The following AHSA1 variants were observed in gnomAD, a reference collection of about 807,000 sequenced individuals.
AHSA1 encodes activator of 90 kDa heat shock protein ATPase homolog 1.
AHSA1 carries 14 observed loss-of-function variants against 46.1 expected under a neutral mutation model. That is an observed-to-expected ratio of 0.30 (90% CI 0.20 to 0.47). The LOEUF is 0.47. AHSA1 is among the 20% of genes least tolerant of loss of function. AHSA1 has a pLI of 0.99. For synonymous variants in AHSA1, 147 were observed against 145.8 expected, an observed-to-expected ratio of 1.01 and a Z score of -0.06; for missense variants, 333 against 415.9, an observed-to-expected ratio of 0.80 and a Z score of 1.73.
chr14:77,469,008 A>T (rs766655989), intron 8 of AHSA1, 69 bp from the exon 9 acceptor site: 1 of 1,572,872 alleles, frequency 6.4e-7, no homozygotes, highest in East Asian at 2.3e-5. Context: ...ACGCCCAGCC[A>T]GGTTGCCCCA....
intron 6 of AHSA1, among the ~76,000 whole-genome samples, 157 bp from the exon 7 acceptor site, chr14:77,467,926 A>G (rs1238397705): frequency 1.3e-5 from 2 of 152,224 alleles, no homozygotes; most frequent in African/African-American, 4.8e-5. Context: ...GCTGGTATTA[A>G]AACAGAATAG....
intron 6 of AHSA1, among the ~76,000 whole-genome samples, chr14:77,465,984 G>A (rs768662911): frequency 2.8e-4 from 42 of 152,182 alleles, no homozygotes; most frequent in African/African-American, 6.5e-4. Context: ...ACGCCATCAC[G>A]CCTAGCTAAT....
chr14:77,463,097 T>C (rs944847819), intron 4 of AHSA1: 3 of 227,436 alleles, frequency 1.3e-5, no homozygotes, highest in East Asian at 1.9e-4. Flanking sequence ...CTGGGCAACA[T>C]GGCGAAACCC....
intron 8 of AHSA1, chr14:77,468,742 TTTTACTTTTTTAC>T (rs2139945377): frequency 1.1e-5 from 5 of 452,270 alleles, no homozygotes; most frequent in South Asian, 9.8e-5. Context: ...TTTTTTTTTT[TTTTACTTTTTTAC>T]TTTTTTTGTA....
Position 77,469,353 on chromosome 14 carries a change from G to T in AHSA1, c.*104G>T, listed in dbSNP as rs2079063864. 6.8e-7 allele frequency: 1 copy of T among 1,470,948 alleles called. No homozygotes were observed. Among genetic ancestry groups the T allele is most frequent in the South Asian group, 1.3e-5 (1 of 74,776 alleles). The allele number at this position is 1,470,948 out of a possible 1,614,324, so 91.1% of individuals were successfully genotyped here. ...TGCATCGTCCCAGCTGCTAACTTGG[G>T]GCCGGGGCCCCTCCCTTCCACATAT... On this transcript the variant is annotated 3_prime_UTR_variant, in exon 9 of 9. Coordinates refer to ENST00000216479, the MANE Select transcript of AHSA1 (RefSeq NM_012111.3).
At chr14:77,459,558 A>G (rs1031682778) in intron 1 of AHSA1, 58 bp from the exon 2 acceptor site, 38 of 1,572,782 alleles carry the variant, frequency 2.4e-5, no homozygotes, top group Admixed American at 3.4e-5. Context: ...ATTCTCTTGC[A>G]TAGAGCAGCG....
intron 5 of AHSA1, 151 bp from the exon 6 acceptor site, chr14:77,465,388 A>G (rs1460211756): frequency 1.2e-6 from 1 of 838,140 alleles, no homozygotes; most frequent in Non-Finnish European, 1.8e-6. Flanking sequence ...TGAAACACCT[A>G]CACACTCAAA....
At position 77,464,573 on chromosome 14, in the gene AHSA1, A is replaced by C. The variant is rs765561636; in HGVS notation, c.473-25A>C. 32 of 1,597,878 alleles carry C rather than the reference A, an allele frequency of 2.0e-5. No individual in the cohort carries two copies. In the Admixed American group the frequency reaches 5.2e-4, roughly 26 times the overall value. ...TCTCAGCTACTAAGAAGTAACTTCC[A>C]TGAGCTGGAATTTTATCTTTTCAGA... On this transcript the variant is annotated intron_variant, in intron 4 of 8. Transcript: ENST00000216479.
Position 77,458,288 on chromosome 14 carries a change from G to C in AHSA1, c.80+19G>C. ...GGCACTGGTGAGGGCCAGAAAAGCA[G>C]GCCGGCCTTGGGAGACCTGCGGCCG... is the stretch of plus-strand genomic sequence containing the variant. On this transcript the variant is annotated intron_variant, in intron 1 of 8. Transcript: ENST00000216479. 1.3e-6 allele frequency: 2 copies of C among 1,542,776 alleles called. No individual in the cohort carries two copies. The highest frequency in any genetic ancestry group is 1.7e-6 in the Non-Finnish European group (2 of 1,144,004).
chr14:77,466,915 A>T (rs370413023), intron 6 of AHSA1, among the ~76,000 whole-genome samples: 1 of 152,222 alleles, frequency 6.6e-6, no homozygotes, highest in East Asian at 1.9e-4. Context: ...TCTGCTTCCA[A>T]ACTAGCTAAA....
At chr14:77,468,896 T>TC in intron 8 of AHSA1, 181 bp from the exon 9 acceptor site, 1 of 677,002 alleles carries the variant, frequency 1.5e-6, no homozygotes, top group South Asian at 1.8e-5. Context: ...TTAGTAGAGA[T>TC]GGAGTTTCAC....
intron 2 of AHSA1, 26 bp from the exon 3 acceptor site, chr14:77,462,134 T>A: frequency 6.4e-7 from 1 of 1,563,544 alleles, no homozygotes; most frequent in Non-Finnish European, 8.8e-7. Flanking sequence ...AGGAGTGGAC[T>A]AATGACATTG....
Position 77,462,653 on chromosome 14 carries a change from C to T in AHSA1, c.366C>T (p.Ser122=). 1 of 1,614,112 alleles carries T rather than the reference C, an allele frequency of 6.2e-7. No individual in the cohort carries two copies. Among genetic ancestry groups the T allele is most frequent in the Non-Finnish European group, 8.5e-7 (1 of 1,179,980 alleles). ...CATCTTTCACCCAGATTAGTGTGAG[C>T]CTTGCCAAAGATGAGCCTGACACAA... ...NSVDEVEISV[S]LAKDEPDTNL... The change falls in exon 4 of 9, where the codon AGC becomes AGT. Residue 122 remains serine (S), a synonymous_variant. Transcript: ENST00000216479.
chr14:77,458,117 G>A lies in AHSA1; in HGVS notation c.-73G>A. On this transcript the variant is annotated 5_prime_UTR_variant, in exon 1 of 9. Transcript: ENST00000216479. ...TAGTAGTTTCCAGGCGCTGCCGGGC[G>A]GCTGGCACTAAGCGGTCCTGAGGCT... is the stretch of plus-strand genomic sequence containing the variant. 7.4e-6 allele frequency: 10 copies of A among 1,345,166 alleles called. No homozygotes were observed. In the Admixed American group the frequency reaches 1.1e-4, roughly 14 times the overall value. 83.3% of individuals were successfully genotyped at this position (1,345,166 alleles called of 1,614,324 possible).
At position 77,464,738 on chromosome 14, in the gene AHSA1, C is replaced by T. The variant is rs531935414; in HGVS notation, c.561+52C>T. On this transcript the variant is annotated intron_variant, in intron 5 of 8. Coordinates refer to ENST00000216479, the MANE Select transcript of AHSA1 (RefSeq NM_012111.3). ...CTGTCTGCAAAGGAACTTGAGAGAC[C>T]GCCTTCTTAATTCCACATATCAGCT... 3.3e-4 allele frequency: 489 copies of T among 1,493,380 alleles called. 1 individual carries two copies. Among genetic ancestry groups the T allele is most frequent in the Non-Finnish European group, 4.2e-4 (456 of 1,082,808 alleles). The allele number at this position is 1,493,380 out of a possible 1,614,324, so 92.5% of individuals were successfully genotyped here.
intron 6 of AHSA1, 34 bp from the exon 7 acceptor site, chr14:77,468,049 C>CTCTTTT: frequency 1.4e-6 from 1 of 723,680 alleles, no homozygotes; most frequent in South Asian, 2.2e-5. Flanking sequence ...TATCTTCTGC[C>CTCTTTT]TCTTTTTTTT....
intron 6 of AHSA1, 23 bp from the exon 7 acceptor site, chr14:77,468,051 CTTTTTTTTT>C (rs34989956): frequency 6.6e-5 from 45 of 684,518 alleles, no homozygotes; most frequent in South Asian, 2.3e-4. Context: ...TCTTCTGCCT[CTTTTTTTTT>C]TTTTTTTTTT....
intron 6 of AHSA1, among the ~76,000 whole-genome samples, chr14:77,467,170 G>A (rs754046702): frequency 3.9e-5 from 6 of 152,134 alleles, no homozygotes; most frequent in Non-Finnish European, 7.4e-5. Flanking sequence ...GGGCTGAGGC[G>A]GGTGAATTAC....
upstream of AHSA1, chr14:77,457,899 T>G: frequency 2.0e-6 from 1 of 492,968 alleles, no homozygotes; most frequent in South Asian, 3.5e-5. Flanking sequence ...TGAGGAATGG[T>G]TGTATGAGCA....
Sources: allele counts gnomAD v4.1 joint callset (sites outside exome capture counted in the v4.1 genomes callset), GRCh38; gene constraint gnomAD v4.1.1; transcripts MANE v1.5; gene names NCBI Gene and HGNC (gene_info 2026-07-23, HGNC 2026-07-21).